The following GOLM2 variants were observed in gnomAD, a reference collection of about 807,000 sequenced individuals.
The protein encoded by GOLM2 is golgi membrane protein 2, also known as protein GOLM2.
A neutral mutation model predicts 55.9 loss-of-function variants in GOLM2; 26 were observed. That is an observed-to-expected ratio of 0.47 (90% confidence interval 0.34 to 0.65). GOLM2 has a LOEUF of 0.65. GOLM2 is among the 30% of genes least tolerant of loss of function. The pLI is 0.01. For synonymous variants in GOLM2, 165 were observed against 194.6 expected (o/e 0.85, Z 1.27); for missense variants, 486 against 531.8 (o/e 0.91, Z 0.85).
At chr15:44,318,444 T>C (rs4924746) in intron 1 of GOLM2, among the ~76,000 whole-genome samples, 13,493 of 152,258 alleles carry the variant, frequency 0.089, 685 homozygotes, top group East Asian at 0.2. Flanking sequence ...GTGCGTGGCT[T>C]ACGCCCATAA....
chr15:44,366,256 C>T (rs2141179001), intron 6 of GOLM2, among the ~76,000 whole-genome samples: 1 of 147,960 alleles, frequency 6.8e-6, no homozygotes, highest in Admixed American at 6.8e-5. Flanking sequence ...GAGATCACGC[C>T]GCTGCACTCC....
chr15:44,288,934 T>A lies in GOLM2; in HGVS notation c.-96T>A, dbSNP rs917116157. 1 of 1,217,016 alleles carries A rather than the reference T, an allele frequency of 8.2e-7. No homozygotes were observed. The highest frequency in any genetic ancestry group is 1.5e-5 in the African/African-American group (1 of 65,892). The allele number at this position is 1,217,016 out of a possible 1,614,324, so 75.4% of individuals were successfully genotyped here. A position where few individuals can be genotyped will look rare whatever the true frequency, so the allele number is the denominator to read the frequency against. On this transcript the variant is annotated 5_prime_UTR_variant, in exon 1 of 10. Transcript: ENST00000299957. Reference sequence around the variant, plus strand: ...GCCCGCCTCCTCCCTCGGCCGGCCCTGGGGCCGTGTCCGCCGGGCAACTCC... The same window carrying A: ...GCCCGCCTCCTCCCTCGGCCGGCCCAGGGGCCGTGTCCGCCGGGCAACTCC...
chr15:44,355,142 C>T (rs2079189305), intron 6 of GOLM2: 1 of 201,154 alleles, frequency 5.0e-6, no homozygotes, highest in Non-Finnish European at 1.0e-5. Context: ...CCTCCTGCAC[C>T]ACCAACTGCT....
chr15:44,359,288 T>G (rs923767071), intron 6 of GOLM2, among the ~76,000 whole-genome samples: 1 of 151,780 alleles, frequency 6.6e-6, no homozygotes, highest in Non-Finnish European at 1.5e-5. Context: ...AAAGAACTCT[T>G]AAAACTTAAC....
At chr15:44,400,124 T>A (rs1004589431) in intron 8 of GOLM2, among the ~76,000 whole-genome samples, 1 of 152,186 alleles carries the variant, frequency 6.6e-6, no homozygotes, top group African/African-American at 2.4e-5. Flanking sequence ...ACTGTTTTCT[T>A]ACAAATAGCC....
intron 6 of GOLM2, among the ~76,000 whole-genome samples, chr15:44,338,554 T>G (rs567649385): frequency 6.6e-6 from 1 of 152,192 alleles, no homozygotes; most frequent in Non-Finnish European, 1.5e-5. Context: ...TATATTTGAA[T>G]CTTTTCTTTG....
chr15:44,363,065 C>T (rs1279189597), intron 6 of GOLM2, among the ~76,000 whole-genome samples: 20 of 152,064 alleles, frequency 1.3e-4, no homozygotes, highest in Non-Finnish European at 2.5e-4. Context: ...AAGACTTAAA[C>T]GTTAGACCTA....
At chr15:44,342,308 A>G (rs1006956673) in intron 6 of GOLM2, among the ~76,000 whole-genome samples, 1 of 151,698 alleles carries the variant, frequency 6.6e-6, no homozygotes, top group African/African-American at 2.4e-5. Context: ...TCTGTCACCT[A>G]GGCTGGAGTG....
chr15:44,381,079 A>C, intron 8 of GOLM2, 103 bp downstream of exon 8: 1 of 649,472 alleles, frequency 1.5e-6, no homozygotes, highest in East Asian at 3.4e-5. Flanking sequence ...TAGTGAAGTT[A>C]TATATATTTA....
chr15:44,339,861 C>T (rs2079079790), intron 6 of GOLM2, among the ~76,000 whole-genome samples: 1 of 151,866 alleles, frequency 6.6e-6, no homozygotes, highest in Non-Finnish European at 1.5e-5. Context: ...GCTCTGTCAC[C>T]CAGGCCAGAG....
intron 6 of GOLM2, among the ~76,000 whole-genome samples, chr15:44,341,000 A>C (rs1345973330): frequency 6.6e-6 from 1 of 152,208 alleles, no homozygotes; most frequent in African/African-American, 2.4e-5. Flanking sequence ...TTTTCATGTA[A>C]TATACCTGAA....
intron 6 of GOLM2, among the ~76,000 whole-genome samples, chr15:44,349,077 T>C (rs568471466): frequency 6.6e-6 from 1 of 151,426 alleles, no homozygotes; most frequent in Non-Finnish European, 1.5e-5. Flanking sequence ...CTGACCAACA[T>C]GGAGAAACCC....
intron 8 of GOLM2, among the ~76,000 whole-genome samples, chr15:44,398,657 C>CTT (rs994381104): frequency 5.5e-4 from 59 of 108,074 alleles, no homozygotes; most frequent in Non-Finnish European, 8.9e-4. Context: ...ATATAGGAGC[C>CTT]TTTTTTTTTT....
intron 1 of GOLM2, among the ~76,000 whole-genome samples, chr15:44,299,926 CAAAAAAAAAA>C (rs1009141482): frequency 3.5e-4 from 4 of 11,536 alleles, no homozygotes; most frequent in African/African-American, 7.7e-4. Context: ...GGCAACATAG[CAAAAAAAAAA>C]AAAAAAAAAA....
At chr15:44,354,509 A>C (rs369088148) in intron 6 of GOLM2, among the ~76,000 whole-genome samples, 3 of 151,256 alleles carry the variant, frequency 2.0e-5, no homozygotes, top group Non-Finnish European at 4.4e-5. Flanking sequence ...ACCACACACA[A>C]AAAAATACTT....
chr15:44,318,635 G>C (rs2078928379), intron 1 of GOLM2, among the ~76,000 whole-genome samples: 1 of 151,888 alleles, frequency 6.6e-6, no homozygotes, highest in South Asian at 2.1e-4. Flanking sequence ...CTTGAACCTG[G>C]GACGTGGAGG....
At chr15:44,369,192 G>GTA (rs200553691) in intron 6 of GOLM2, among the ~76,000 whole-genome samples, 195 of 117,530 alleles carry the variant, frequency 1.7e-3, no homozygotes, top group South Asian at 4.9e-3. Context: ...ATATGTGTGT[G>GTA]TATATATATA....
chr15:44,322,346 G>A (rs941605801), intron 1 of GOLM2, among the ~76,000 whole-genome samples: 10 of 152,170 alleles, frequency 6.6e-5, no homozygotes, highest in African/African-American at 1.7e-4. Flanking sequence ...CAGCCTGGGC[G>A]ACAGAGTGAG....
At chr15:44,335,679 C>T (rs992524013) in intron 4 of GOLM2, among the ~76,000 whole-genome samples, 1 of 152,150 alleles carries the variant, frequency 6.6e-6, no homozygotes, top group Non-Finnish European at 1.5e-5. Flanking sequence ...TCATTTCATT[C>T]ATCAATGATT....
Sources: gnomAD v4.1 joint callset for allele counts (sites outside exome capture counted in the v4.1 genomes callset) on GRCh38, gnomAD v4.1.1 for gene constraint, MANE v1.5 for transcripts, NCBI Gene and HGNC (gene_info 2026-07-23, HGNC 2026-07-21) for gene names.